The following OXR1 variants were observed in gnomAD, a reference collection of about 807,000 sequenced individuals.
OXR1 encodes the protein oxidation resistance protein 1.
Under a neutral mutation model 104.6 loss-of-function variants are expected in OXR1, and 41 were observed. The ratio of observed to expected loss-of-function variants is 0.39; its 90% CI spans 0.31 to 0.51. The LOEUF (loss-of-function observed/expected upper bound fraction) is 0.51, where lower values mean the gene tolerates loss of function less well. Ranked by LOEUF, OXR1 falls within the 20% of genes least tolerant of loss-of-function variation. The pLI, the probability that OXR1 is intolerant of heterozygous loss-of-function variation, is 0.77. For synonymous variants in OXR1, 348 were observed against 348.4 expected (o/e 1.00, Z 0.01); for missense variants, 955 against 1,031.9 (o/e 0.93, Z 1.02).
At chr8:106,295,165 T>G (rs1424534162) in intron 1 of OXR1, among the ~76,000 whole-genome samples, 1 of 152,170 alleles carries the variant, frequency 6.6e-6, no homozygotes, top group African/African-American at 2.4e-5. Flanking sequence ...GGTTAGCACT[T>G]AACTTTGGGG....
chr8:106,496,788 G>A (rs568993368), intron 2 of OXR1, among the ~76,000 whole-genome samples: 10 of 152,282 alleles, frequency 6.6e-5, no homozygotes, highest in East Asian at 1.9e-4. Flanking sequence ...TATTACAGTC[G>A]CACTTATGAT....
intron 3 of OXR1, among the ~76,000 whole-genome samples, chr8:106,675,591 C>G (rs1187258316): frequency 2.0e-5 from 3 of 152,094 alleles, no homozygotes; most frequent in Admixed American, 2.0e-4. Context: ...ATTCAGTTTC[C>G]ATGTAATTGT....
At chr8:106,672,701 G>A (rs1393118722) in intron 3 of OXR1, among the ~76,000 whole-genome samples, 1 of 152,042 alleles carries the variant, frequency 6.6e-6, no homozygotes, top group African/African-American at 2.4e-5. Context: ...CACATATCAA[G>A]GGAGAAACCA....
intron 3 of OXR1, among the ~76,000 whole-genome samples, chr8:106,629,613 G>A (rs534097708): frequency 6.6e-6 from 1 of 152,180 alleles, no homozygotes; most frequent in East Asian, 1.9e-4. Flanking sequence ...TATGCTATTG[G>A]TTATTATGTA....
At chr8:106,735,963 CCA>C (rs1398491870) in intron 11 of OXR1, among the ~76,000 whole-genome samples, 1 of 152,068 alleles carries the variant, frequency 6.6e-6, no homozygotes, top group African/African-American at 2.4e-5. Context: ...CATTTAGTCT[CCA>C]GGGTAATTGG....
chr8:106,393,217 A>T (rs1422149104), intron 2 of OXR1, among the ~76,000 whole-genome samples: 1 of 152,234 alleles, frequency 6.6e-6, no homozygotes, highest in East Asian at 1.9e-4. Flanking sequence ...GTATGGGCGA[A>T]TATTAGCTTA....
At chr8:106,430,285 C>T (rs930511761) in intron 2 of OXR1, among the ~76,000 whole-genome samples, 1 of 152,120 alleles carries the variant, frequency 6.6e-6, no homozygotes, top group African/African-American at 2.4e-5. Context: ...TTAAAAACTA[C>T]AATTGTATAG....
At chr8:106,516,579 CACTCT>C (rs1277734722) in intron 2 of OXR1, among the ~76,000 whole-genome samples, 11 of 152,140 alleles carry the variant, frequency 7.2e-5, no homozygotes. Flanking sequence ...CATTAAATGT[CACTCT>C]ACTCTGTCAG....
At chr8:106,456,850 T>C (rs1820622257) in intron 2 of OXR1, among the ~76,000 whole-genome samples, 1 of 152,094 alleles carries the variant, frequency 6.6e-6, no homozygotes, top group African/African-American at 2.4e-5. Context: ...TAAAGAAACA[T>C]GTGTGTGCAT....
chr8:106,748,679 C>G (rs1427247638), intron 16 of OXR1, among the ~76,000 whole-genome samples: 1 of 150,766 alleles, frequency 6.6e-6, no homozygotes, highest in Admixed American at 6.7e-5. Flanking sequence ...AATGATTCCC[C>G]TGCCTCAGCC....
intron 1 of OXR1, among the ~76,000 whole-genome samples, chr8:106,346,979 C>T (rs1410406772): frequency 6.6e-6 from 1 of 152,122 alleles, no homozygotes; most frequent in Admixed American, 6.5e-5. Flanking sequence ...GGAGGTGGAG[C>T]TTGCAGTGAG....
rs555132006 is a variant in OXR1, at chr8:106,656,536, C to T, written c.221-22674C>T. Among the ~76,000 whole-genome samples the T allele has an allele frequency of 3.9e-5, 6 of 152,292 alleles. No homozygotes were observed. The South Asian group carries it at 6.2e-4, about 16-fold the overall frequency. On this transcript the variant is annotated intron_variant, in intron 3 of 16. Coordinates refer to ENST00000517566, the MANE Select transcript of OXR1 (RefSeq NM_001198533.2). The stretch of plus-strand genomic sequence containing the variant: ...AATTTAAGGGAAAGCACAAACATTC[C>T]GTCCACTGCAACATCTACAAAATAG...
At chr8:106,377,254 G>A (rs984037660) in intron 2 of OXR1, among the ~76,000 whole-genome samples, 2 of 151,910 alleles carry the variant, frequency 1.3e-5, no homozygotes, top group Non-Finnish European at 2.9e-5. Flanking sequence ...CATGATCATA[G>A]CTCACTCTAA....
chr8:106,688,127 A>G (rs1387587842), intron 6 of OXR1, among the ~76,000 whole-genome samples: 3 of 152,134 alleles, frequency 2.0e-5, no homozygotes, highest in Non-Finnish European at 4.4e-5. Flanking sequence ...TCTCCTTTGT[A>G]CTGTAAGTTC....
intron 2 of OXR1, among the ~76,000 whole-genome samples, chr8:106,482,469 T>C (rs1304356564): frequency 6.6e-6 from 1 of 151,210 alleles, no homozygotes; most frequent in East Asian, 2.0e-4. Context: ...AGCTCTGTGA[T>C]GTTGAGAGAG....
intron 4 of OXR1, among the ~76,000 whole-genome samples, chr8:106,680,718 A>G (rs1325529763): frequency 6.6e-6 from 1 of 152,102 alleles, no homozygotes; most frequent in Non-Finnish European, 1.5e-5. Flanking sequence ...AACTACGTGG[A>G]GTGAGACCCA....
chr8:106,340,652 C>T (rs1175686239), intron 1 of OXR1, among the ~76,000 whole-genome samples: 1 of 152,084 alleles, frequency 6.6e-6, no homozygotes, highest in Non-Finnish European at 1.5e-5. Context: ...ATCAGAACAG[C>T]TTTTTGTGAC....
chr8:106,359,225 G>C (rs947507782), intron 1 of OXR1, among the ~76,000 whole-genome samples: 1 of 151,982 alleles, frequency 6.6e-6, no homozygotes, highest in African/African-American at 2.4e-5. Context: ...TCATTTCCCT[G>C]AATTCTCTAC....
At position 106,750,859 on chromosome 8, in the gene OXR1, C is replaced by G. The variant is rs751877664; in HGVS notation, c.2540C>G (p.Ser847Cys). Residue 847 changes from serine (S) to cysteine (C), a missense_variant, in exon 17 of 17, where the codon TCT (serine) becomes TGT (cysteine). Ser to Cys is a moderately radical substitution (Grantham distance 112, BLOSUM62 -1). Transcript: ENST00000517566. ...GATCTCTACCATGGAAGAAGCCATT[C>G]TTGTAAAACGTTTGGGAATCGTACA... is the stretch of plus-strand genomic sequence containing the variant. ...DGDLYHGRSH[S>C]CKTFGNRTLS... 1.4e-5 allele frequency: 22 copies of G among 1,609,338 alleles called. No homozygotes were observed. The South Asian group carries it at 2.1e-4, about 15-fold the overall frequency.
Sources: gnomAD v4.1 joint callset for allele counts (sites outside exome capture counted in the v4.1 genomes callset) on GRCh38, gnomAD v4.1.1 for gene constraint, MANE v1.5 for transcripts, NCBI Gene and HGNC (gene_info 2026-07-23, HGNC 2026-07-21) for gene names.